The following ROBO2 variants were observed in gnomAD, a reference collection of about 807,000 sequenced individuals.
ROBO2 encodes the protein roundabout homolog 2.
ROBO2 carries 53 observed loss-of-function variants against 160.8 expected under a neutral mutation model. The ratio of observed to expected loss-of-function variants is 0.33; its 90% confidence interval spans 0.26 to 0.41. The LOEUF (loss-of-function observed/expected upper bound fraction) is 0.41. Ranked by LOEUF, ROBO2 falls within the 10% of genes least tolerant of loss-of-function variation. The pLI is 1.00. For synonymous variants in ROBO2, 664 were observed against 611.7 expected, an observed-to-expected ratio of 1.09 and a Z score of -1.26; for missense variants, 1,577 against 1,722.4, an observed-to-expected ratio of 0.92 and a Z score of 1.49.
chr3:76,274,360 A>T (rs1412227845), intron 2 of ROBO2, among the ~76,000 whole-genome samples: 2 of 152,108 alleles, frequency 1.3e-5, no homozygotes, highest in African/African-American at 2.4e-5. Context: ...TAAAAAAAAA[A>T]AGAATTTTCA....
intron 2 of ROBO2, among the ~76,000 whole-genome samples, chr3:77,247,753 G>A (rs113818031): frequency 6.6e-6 from 1 of 152,100 alleles, no homozygotes; most frequent in Non-Finnish European, 1.5e-5. Context: ...ATCTCGAAGC[G>A]TCTGACTGAC....
chr3:77,564,429 G>A (rs561431275), intron 11 of ROBO2: 32 of 455,492 alleles, frequency 7.0e-5, no homozygotes, highest in African/African-American at 6.4e-4. Context: ...TTCATTACCT[G>A]CTTCCTCTCT....
At chr3:76,876,507 T>G (rs566669644) in intron 2 of ROBO2, among the ~76,000 whole-genome samples, 111 of 152,162 alleles carry the variant, frequency 7.3e-4, no homozygotes, top group Non-Finnish European at 9.9e-4. Context: ...AAACCCTGCC[T>G]CTACTAAAAA....
chr3:77,365,364 C>T (rs2070707266), intron 2 of ROBO2, among the ~76,000 whole-genome samples: 1 of 152,052 alleles, frequency 6.6e-6, no homozygotes, highest in Admixed American at 6.6e-5. Context: ...GAAACACCCT[C>T]AGAGGGGAGT....
At chr3:76,935,716 G>A (rs2077655430) in intron 2 of ROBO2, among the ~76,000 whole-genome samples, 1 of 152,182 alleles carries the variant, frequency 6.6e-6, no homozygotes, top group African/African-American at 2.4e-5. Context: ...CTGCCATAGT[G>A]AAAGTGTAAA....
chr3:77,485,434 T>G (rs2085233905), intron 4 of ROBO2, among the ~76,000 whole-genome samples: 1 of 152,040 alleles, frequency 6.6e-6, no homozygotes, highest in African/African-American at 2.4e-5. Flanking sequence ...ATCAGTTTTC[T>G]TTTTCTTTTT....
chr3:76,660,621 T>C (rs566652848), intron 2 of ROBO2, among the ~76,000 whole-genome samples: 54 of 152,284 alleles, frequency 3.5e-4, no homozygotes, highest in Admixed American at 1.3e-3. Flanking sequence ...CTCACATGTA[T>C]TGTCAATAAA....
intron 1 of ROBO2, among the ~76,000 whole-genome samples, chr3:77,054,501 T>C (rs2065527820): frequency 6.6e-6 from 1 of 152,138 alleles, no homozygotes; most frequent in African/African-American, 2.4e-5. Flanking sequence ...AGACAATGAC[T>C]CTTCAGATGA....
chr3:77,351,956 G>T (rs886710175), intron 2 of ROBO2, among the ~76,000 whole-genome samples: 1 of 151,764 alleles, frequency 6.6e-6, no homozygotes, highest in Non-Finnish European at 1.5e-5. Context: ...GTGGAGTGGG[G>T]GCAGGGGGGA....
chr3:77,288,884 T>A (rs1487023349), intron 2 of ROBO2, among the ~76,000 whole-genome samples: 3 of 151,990 alleles, frequency 2.0e-5, no homozygotes, highest in Non-Finnish European at 4.4e-5. Flanking sequence ...TACAATCACA[T>A]CTAGTAAAAT....
At chr3:76,520,177 G>A (rs113397098) in intron 2 of ROBO2, among the ~76,000 whole-genome samples, 5,998 of 152,130 alleles carry the variant, frequency 0.039, 404 homozygotes, top group African/African-American at 0.14. Context: ...CAGGCCAGGC[G>A]CAGTGGCTCA....
rs72890347 is a variant in ROBO2 at position 75,995,838 on chromosome 3, A to G, written c.109+58236A>G. 7.1e-3 allele frequency among the ~76,000 whole-genome samples: 1,084 copies of G among 152,260 alleles called. 14 individuals carry two copies. Among genetic ancestry groups the G allele is most frequent in the African/African-American group, 0.025 (1,024 of 41,562 alleles). ...AGTGTGTCCTGGAGGTGAGACTTGG[A>G]GTTGAAGGAGATTATTCTGGAGCTT... On this transcript the variant is annotated intron_variant, in intron 2 of 26. Coordinates refer to the ROBO2 transcript ENST00000487694.
At chr3:76,272,946 A>ATATTT (rs1553693135) in intron 2 of ROBO2, among the ~76,000 whole-genome samples, 1 of 28,882 alleles carries the variant, frequency 3.5e-5, no homozygotes, top group Non-Finnish European at 8.9e-5. Context: ...AAATATATAA[A>ATATTT]ATATATAATA....
intron 2 of ROBO2, among the ~76,000 whole-genome samples, chr3:76,337,476 T>G (rs994723620): frequency 1.3e-5 from 2 of 152,172 alleles, no homozygotes; most frequent in African/African-American, 4.8e-5. Context: ...ACAAAACCAT[T>G]TTATTTTCTC....
chr3:76,699,505 G>T (rs1383729552), intron 2 of ROBO2, among the ~76,000 whole-genome samples: 1 of 152,074 alleles, frequency 6.6e-6, no homozygotes, highest in East Asian at 1.9e-4. Context: ...CTGTACAAAA[G>T]ATCCCCATAT....
Position 76,127,598 on chromosome 3 carries a change from ATAT to A in ROBO2, c.109+189997_109+189999del, listed in dbSNP as rs747867766. ...TGCTTTCTCTATATGGTTTGAAAAA[ATAT>A]ATATATATATATACATATACTATCA... On this transcript the variant is annotated intron_variant, in intron 2 of 26. Coordinates refer to the ROBO2 transcript ENST00000487694. Among the ~76,000 whole-genome samples the A allele has an allele frequency of 6.8e-5, 10 of 147,990 alleles. No individual in the cohort carries two copies. In the East Asian group the frequency reaches 8.1e-4, roughly 12 times the overall value.
intron 2 of ROBO2, among the ~76,000 whole-genome samples, chr3:77,032,886 T>C (rs1437925931): frequency 6.6e-6 from 1 of 152,056 alleles, no homozygotes; most frequent in African/African-American, 2.4e-5. Flanking sequence ...CAGAACTCAA[T>C]CACATGATCC....
At chr3:77,436,033 GA>G (rs746770329) in intron 2 of ROBO2, among the ~76,000 whole-genome samples, 23 of 148,250 alleles carry the variant, frequency 1.6e-4, no homozygotes, top group African/African-American at 4.2e-4. Context: ...GAGTCTTAGA[GA>G]AAAAAAAAGA....
intron 2 of ROBO2, among the ~76,000 whole-genome samples, chr3:76,873,549 TTAGTAGTTAGTAGTAGTAGTAG>T (rs2072347607): frequency 6.6e-6 from 1 of 152,054 alleles, no homozygotes; most frequent in Admixed American, 6.6e-5. Flanking sequence ...CTTAAGGAAG[TTAGTAGTTAGTAGTAGTAGTAG>T]TAGTCGTCGT....
Sources: allele counts gnomAD v4.1 joint callset (sites outside exome capture counted in the v4.1 genomes callset), GRCh38; gene constraint gnomAD v4.1.1; transcripts MANE v1.5; gene names NCBI Gene and HGNC (gene_info 2026-07-23, HGNC 2026-07-21).